The following PSAP variants were observed in gnomAD, a reference collection of about 807,000 sequenced individuals.
PSAP encodes prosaposin.
PSAP carries 25 observed loss-of-function variants against 66.0 expected under a neutral mutation model. The ratio of observed to expected loss-of-function variants is 0.38; its 90% CI spans 0.28 to 0.53. PSAP has a LOEUF of 0.53. PSAP is among the 20% of genes least tolerant of loss of function. PSAP has a pLI of 0.83. For missense variants in PSAP, 649 were observed against 668.8 expected, an observed-to-expected ratio of 0.97 and a Z score of 0.33; for synonymous variants, 273 against 258.9, an observed-to-expected ratio of 1.05 and a Z score of -0.52.
At chr10:71,828,743 G>T in intron 5 of PSAP, 134 bp downstream of exon 5, 1 of 872,322 alleles carries the variant, frequency 1.1e-6, no homozygotes. Context: ...TTTAAAGGCT[G>T]GCTCATGTGA....
Position 71,819,716 on chromosome 10 carries a change from G to A in PSAP, c.1190C>T (p.Thr397Ile), listed in dbSNP as rs568336161. Residue 397 changes from threonine to isoleucine, a missense_variant and splice_region_variant, in exon 10 of 14, where the codon ACC (threonine) becomes ATC (isoleucine). Thr to Ile is a moderately conservative substitution (Grantham distance 89). Transcript: ENST00000394936. ...CCCGCACCACACCCAGCGCTCACCGGTCAGTGCAGGCAGCCGCGTGCCAGA... is the reference window on the plus strand; with the variant it reads ...CCCGCACCACACCCAGCGCTCACCGATCAGTGCAGGCAGCCGCGTGCCAGA... ...LCSGTRLPAL[T>I]VHVTQPKDGG... 3 of 1,614,078 alleles carry A rather than the reference G, an allele frequency of 1.9e-6. No individual in the cohort carries two copies. Among genetic ancestry groups the A allele is most frequent in the South Asian group, 1.1e-5 (1 of 91,086 alleles).
rs191704884 is a variant in PSAP at position 71,832,874 on chromosome 10, G to A, written c.175-954C>T. ...TCTACTAAAAATACAAAAATTAGCC[G>A]GGCATGGTGGCGTACACCTATAATC... On this transcript the variant is annotated intron_variant, in intron 2 of 13. Transcript: ENST00000394936. Among the ~76,000 whole-genome samples, 181 of 151,852 alleles carry A rather than the reference G, an allele frequency of 1.2e-3. 1 individual carries two copies. The highest frequency in any genetic ancestry group is 4.1e-3 in the African/African-American group (168 of 41,408).
chr10:71,841,234 C>G (rs569053983), intron 1 of PSAP, among the ~76,000 whole-genome samples: 156 of 152,376 alleles, frequency 1.0e-3, no homozygotes, highest in Middle Eastern at 3.4e-3. Context: ...GGCTCCCACA[C>G]TGAGCATTGC....
chr10:71,851,160 G>C, intron 1 of PSAP, 22 bp downstream of exon 1: 1 of 1,550,758 alleles, frequency 6.4e-7, no homozygotes, highest in African/African-American at 1.4e-5. Flanking sequence ...CTCCTCCCCA[G>C]GATGAGGGTC....
intron 8 of PSAP, among the ~76,000 whole-genome samples, chr10:71,821,426 T>C (rs1403463213): frequency 6.6e-6 from 1 of 152,044 alleles, no homozygotes; most frequent in Non-Finnish European, 1.5e-5. Flanking sequence ...GTGAGGTGTT[T>C]TAGTTAAATA....
In PSAP at chr10:71,816,850, C is replaced by A. The variant is rs1166214177; in HGVS notation, c.*591G>T. ...GAACCAGGGACAGAGAACCCTTGGC[C>A]CCACTGATGTCCCAAGCCACCAGCA... On this transcript the variant is annotated 3_prime_UTR_variant, in exon 14 of 14. Transcript: ENST00000394936. 1 of 194,920 alleles carries A rather than the reference C, an allele frequency of 5.1e-6. No individual in the cohort carries two copies. Among genetic ancestry groups the A allele is most frequent in the Non-Finnish European group, 1.1e-5 (1 of 91,214 alleles). The allele number at this position is 194,920 out of a possible 1,614,324, so 12.1% of individuals were successfully genotyped here. A position where few individuals can be genotyped will look rare whatever the true frequency, so the allele number is the denominator to read the frequency against.
intron 9 of PSAP, 125 bp from the exon 10 acceptor site, chr10:71,820,025 C>T: frequency 3.1e-6 from 3 of 977,656 alleles, no homozygotes; most frequent in Non-Finnish European, 3.2e-6. Flanking sequence ...CCACAAAAAA[C>T]TACCAAACTA....
Position 71,816,627 on chromosome 10 carries a change from C to A in PSAP, c.*814G>T. 2.7e-6 allele frequency: 1 copy of A among 375,532 alleles called. No homozygotes were observed. The highest frequency in any genetic ancestry group is 5.5e-6 in the Non-Finnish European group (1 of 181,734). The allele number at this position is 375,532 out of a possible 1,614,324, so 23.3% of individuals were successfully genotyped here. ...AGGGGTGCAGGCTGAAGCAGCGCCT[C>A]AACAGCCAGGGACATGTAGGCAACA... On this transcript the variant is annotated 3_prime_UTR_variant, in exon 14 of 14. Transcript: ENST00000394936.
In PSAP at chr10:71,821,970, T is replaced by C. The variant is rs1842309595; in HGVS notation, c.815A>G (p.Asp272Gly). 2 of 1,614,054 alleles carry C rather than the reference T, an allele frequency of 1.2e-6. No homozygotes were observed. The highest frequency in any genetic ancestry group is 2.7e-5 in the African/African-American group (2 of 74,920). The change falls in exon 8 of 14, where the codon GAT (aspartate) becomes GGT (glycine). Residue 272 changes from aspartate (D) to glycine (G), a missense_variant. Coordinates refer to ENST00000394936, the MANE Select transcript of PSAP (RefSeq NM_002778.4). ...KEICALVGFCDEVKEMPMQTL... is the reference protein window; with the variant it reads ...KEICALVGFCGEVKEMPMQTL... ...CTGCATGGGCATCTCTTTCACCTCA[T>C]CACAGAACCCAACCAGCGCACAGAT...
At chr10:71,823,293 G>C (rs1171738883) in intron 7 of PSAP, among the ~76,000 whole-genome samples, 1 of 152,188 alleles carries the variant, frequency 6.6e-6, no homozygotes, top group Non-Finnish European at 1.5e-5. Flanking sequence ...ATCTGATGTG[G>C]CTCTAGATCC....
At chr10:71,830,468 C>G (rs1842490450) in intron 4 of PSAP, among the ~76,000 whole-genome samples, 1 of 152,218 alleles carries the variant, frequency 6.6e-6, no homozygotes, top group Non-Finnish European at 1.5e-5. Flanking sequence ...GACAAATGCC[C>G]TTACAATCAT....
intron 2 of PSAP, among the ~76,000 whole-genome samples, chr10:71,833,990 C>T (rs150992609): frequency 2.6e-5 from 4 of 152,316 alleles, no homozygotes; most frequent in African/African-American, 7.2e-5. Context: ...GATAGAGCCG[C>T]GCCCATGTGC....
intron 6 of PSAP, among the ~76,000 whole-genome samples, chr10:71,826,179 C>T (rs991940881): frequency 2.0e-5 from 3 of 152,228 alleles, no homozygotes; most frequent in African/African-American, 4.8e-5. Flanking sequence ...TATAACCTCA[C>T]GTGCCCCAGG....
intron 1 of PSAP, among the ~76,000 whole-genome samples, chr10:71,840,889 G>C (rs1842721033): frequency 6.7e-6 from 1 of 150,218 alleles, no homozygotes; most frequent in Middle Eastern, 3.2e-3. Flanking sequence ...CAGATTGTAT[G>C]CAATGGAGGC....
chr10:71,841,843 T>G (rs1468037068), intron 1 of PSAP, among the ~76,000 whole-genome samples: 2 of 152,054 alleles, frequency 1.3e-5, no homozygotes, highest in Non-Finnish European at 2.9e-5. Context: ...TGGTCTCTAC[T>G]ACATATATAT....
intron 1 of PSAP, among the ~76,000 whole-genome samples, chr10:71,846,574 A>C (rs1286318472): frequency 6.6e-6 from 1 of 151,830 alleles, no homozygotes; most frequent in Admixed American, 6.6e-5. Context: ...AAAATACAAA[A>C]ATTAGCCAGG....
intron 1 of PSAP, among the ~76,000 whole-genome samples, chr10:71,841,928 C>T (rs761529060): frequency 1.7e-4 from 26 of 151,866 alleles, no homozygotes; most frequent in Non-Finnish European, 3.4e-4. Context: ...ATCACTTGAA[C>T]CTGCAAGGCA....
chr10:71,827,592 T>C (rs966984195), intron 6 of PSAP, among the ~76,000 whole-genome samples: 4 of 151,384 alleles, frequency 2.6e-5, no homozygotes, highest in South Asian at 2.1e-4. Flanking sequence ...CTGGGCGTGA[T>C]TGCACACACC....
Position 71,823,858 on chromosome 10 carries a change from A to C in PSAP, c.778-1851T>G, listed in dbSNP as rs1169636720. On this transcript the variant is annotated intron_variant, in intron 7 of 13. Transcript: ENST00000394936. ...AAGTAACTAGAGGAAGCAGCAGACCACTACTGCAAGCAGATTCCCCGACAC... is the reference window on the plus strand; with the variant it reads ...AAGTAACTAGAGGAAGCAGCAGACCCCTACTGCAAGCAGATTCCCCGACAC... The C allele has an allele frequency of 2.3e-6, 3 of 1,286,526 alleles. No homozygotes were observed. The African/African-American group carries it at 4.6e-5, about 20-fold the overall frequency. The allele number at this position is 1,286,526 out of a possible 1,614,324, so 79.7% of individuals were successfully genotyped here.
Sources: allele counts gnomAD v4.1 joint callset (sites outside exome capture counted in the v4.1 genomes callset), GRCh38; gene constraint gnomAD v4.1.1; transcripts MANE v1.5; gene names NCBI Gene and HGNC (gene_info 2026-07-23, HGNC 2026-07-21).